The following QTMAN variants were observed in gnomAD, a reference collection of about 807,000 sequenced individuals.
QTMAN encodes queuosine-tRNA mannosyltransferase.
chr2:144,068,130 C>T, the QTMAN span, among the ~76,000 whole-genome samples: 7 of 152,150 alleles, frequency 4.6e-5, no homozygotes, highest in Non-Finnish European at 8.8e-5. Context: ...AAAACATACA[C>T]ACATACACAC....
the QTMAN span, chr2:144,317,434 GGACAAT>G: frequency 6.6e-6 from 1 of 150,602 alleles, no homozygotes; most frequent in Admixed American, 6.6e-5. Context: ...AGGAAGGAAG[GGACAAT>G]AAAATGAATA....
At chr2:144,032,893 A>G in the QTMAN span, among the ~76,000 whole-genome samples, 1 of 152,166 alleles carries the variant, frequency 6.6e-6, no homozygotes, top group African/African-American at 2.4e-5. Context: ...AAAAGTGGCC[A>G]CTTAGCATTG....
At chr2:144,089,241 C>A in the QTMAN span, among the ~76,000 whole-genome samples, 1 of 151,548 alleles carries the variant, frequency 6.6e-6, no homozygotes, top group Non-Finnish European at 1.5e-5. Context: ...CAGAGGAATG[C>A]AAAAAGCTAC....
the QTMAN span, among the ~76,000 whole-genome samples, chr2:144,220,565 T>C: frequency 1.3e-5 from 2 of 152,228 alleles, no homozygotes; most frequent in African/African-American, 2.4e-5. Context: ...CCTTACAAAC[T>C]ACCCAAAGCT....
the QTMAN span, among the ~76,000 whole-genome samples, chr2:144,245,438 A>G: frequency 6.6e-6 from 1 of 152,234 alleles, no homozygotes; most frequent in Non-Finnish European, 1.5e-5. Flanking sequence ...TCAAACAATA[A>G]TGAAAAGTAT....
the QTMAN span, among the ~76,000 whole-genome samples, chr2:144,059,138 A>G: frequency 6.6e-6 from 1 of 152,156 alleles, no homozygotes; most frequent in Non-Finnish European, 1.5e-5. Flanking sequence ...ATCTCCACTC[A>G]TTCCAAACAT....
chr2:144,006,609 A>C, the QTMAN span: 2 of 152,090 alleles, frequency 1.3e-5, no homozygotes, highest in Non-Finnish European at 2.9e-5. Flanking sequence ...ATTTGGTGAG[A>C]TCACATACTG....
At chr2:144,151,775 C>G in the QTMAN span, among the ~76,000 whole-genome samples, 1 of 152,152 alleles carries the variant, frequency 6.6e-6, no homozygotes, top group Admixed American at 6.5e-5. Context: ...ATTCATAAAA[C>G]TTGTGTAGAG....
the QTMAN span, among the ~76,000 whole-genome samples, chr2:144,304,636 G>T: frequency 6.6e-6 from 1 of 152,160 alleles, no homozygotes; most frequent in Non-Finnish European, 1.5e-5. Flanking sequence ...ATAGAAACAG[G>T]ATCTCACTAT....
chr2:144,125,252 T>C, the QTMAN span, among the ~76,000 whole-genome samples: 1 of 152,042 alleles, frequency 6.6e-6, no homozygotes, highest in African/African-American at 2.4e-5. Context: ...TTTTTTCTTT[T>C]TAAGTCTCAA....
the QTMAN span, among the ~76,000 whole-genome samples, chr2:143,964,787 T>G: frequency 1.3e-5 from 2 of 152,158 alleles, no homozygotes; most frequent in African/African-American, 2.4e-5. Flanking sequence ...TATACTGTTC[T>G]TAACCTCAAA....
the QTMAN span, among the ~76,000 whole-genome samples, chr2:144,276,072 G>T: frequency 3.9e-5 from 6 of 151,930 alleles, no homozygotes; most frequent in African/African-American, 1.5e-4. Flanking sequence ...TTCTTTTTGT[G>T]TATGTCCCCA....
At chr2:144,032,653 G>A in the QTMAN span, among the ~76,000 whole-genome samples, 4 of 152,180 alleles carry the variant, frequency 2.6e-5, no homozygotes, top group Non-Finnish European at 4.4e-5. Context: ...TGCAAAACTG[G>A]AGAAGAAGTA....
At chr2:144,058,156 A>G in the QTMAN span, among the ~76,000 whole-genome samples, 1 of 138,598 alleles carries the variant, frequency 7.2e-6, no homozygotes, top group African/African-American at 2.8e-5. Context: ...ACACACACAC[A>G]CACACACACA....
At chr2:144,073,070 T>G in the QTMAN span, among the ~76,000 whole-genome samples, 1 of 152,064 alleles carries the variant, frequency 6.6e-6, no homozygotes, top group Non-Finnish European at 1.5e-5. Context: ...TTTATTCACG[T>G]CAAACAGCAC....
At chr2:144,142,182 C>T in the QTMAN span, 1 of 576,438 alleles carries the variant, frequency 1.7e-6, no homozygotes, top group Admixed American at 3.0e-5. Flanking sequence ...GAACTCTTCA[C>T]TTCATATCAG....
At chr2:144,052,818 A>C in the QTMAN span, among the ~76,000 whole-genome samples, 2 of 152,204 alleles carry the variant, frequency 1.3e-5, no homozygotes, top group South Asian at 2.1e-4. Context: ...CACCCGACTA[A>C]TTTTATATTT....
chr2:144,078,513 T>A, the QTMAN span, among the ~76,000 whole-genome samples: 1 of 152,224 alleles, frequency 6.6e-6, no homozygotes, highest in Non-Finnish European at 1.5e-5. Flanking sequence ...CAGAAAGATA[T>A]GCATTTAAGA....
the QTMAN span, chr2:144,011,643 A>G: frequency 1.3e-6 from 1 of 770,786 alleles, no homozygotes; most frequent in Non-Finnish European, 1.6e-6. Flanking sequence ...ATGCTAGTAA[A>G]AAAAAAAAAA....
Sources: allele counts gnomAD v4.1 joint callset (sites outside exome capture counted in the v4.1 genomes callset), GRCh38; gene constraint gnomAD v4.1.1; transcripts MANE v1.5; gene names NCBI Gene and HGNC (gene_info 2026-07-23, HGNC 2026-07-21).